OTOP1: variants seen among roughly 807,000 people sequenced by gnomAD.
OTOP1 encodes the protein proton channel OTOP1.
A neutral mutation model predicts 52.9 loss-of-function variants in OTOP1; 59 were observed. The observed-to-expected ratio is 1.12, with a 90% confidence interval of 0.91 to 1.39. The LOEUF (loss-of-function observed/expected upper bound fraction) is 1.39. Among genes scored for constraint, OTOP1 ranks in the 40% most tolerant of loss-of-function variants. The probability of loss-of-function intolerance (pLI) is 0.00; values close to 1 mark genes in which losing one functional copy is unlikely to be tolerated. For synonymous variants in OTOP1, 317 were observed against 337.7 expected, an observed-to-expected ratio of 0.94 and a Z score of 0.67; for missense variants, 761 against 800.9, an observed-to-expected ratio of 0.95 and a Z score of 0.60.
rs763157230 is a variant in OTOP1 at position 4,197,260 on chromosome 4, G to C, written c.1574C>G (p.Pro525Arg). 2.5e-6 allele frequency: 4 copies of C among 1,614,156 alleles called. No individual in the cohort carries two copies. The highest frequency in any genetic ancestry group is 2.2e-5 in the East Asian group (1 of 44,884). The change falls in exon 5 of 6, where the codon CCA (proline) becomes CGA (arginine). Residue 525 changes from proline (P) to arginine (R), a missense_variant. By Grantham distance (103) the Pro-to-Arg change is moderately radical. This residue lies in a region of OTOP1 where 632 missense variants were observed against 619.5 expected (regional missense o/e 1.02). Coordinates refer to ENST00000296358, the MANE Select transcript of OTOP1 (RefSeq NM_177998.3). ...KQEESSWGGS[P>R]SPVRLPRFLQ... is the part of the protein sequence containing the mutation. ...GAAACGGGGAAGGCGGACTGGGCTTGGGCTCCCTCCCCAGCTGCTCTCCTC... is the reference window on the plus strand; with the variant it reads ...GAAACGGGGAAGGCGGACTGGGCTTCGGCTCCCTCCCCAGCTGCTCTCCTC...
chr4:4,207,144 C>T (rs1716922619), intron 2 of OTOP1, among the ~76,000 whole-genome samples: 1 of 152,116 alleles, frequency 6.6e-6, no homozygotes, highest in East Asian at 1.9e-4. Context: ...TACTGTCTTA[C>T]TCAGGAATAC....
intron 5 of OTOP1, among the ~76,000 whole-genome samples, chr4:4,195,045 A>T (rs1716592112): frequency 6.6e-6 from 1 of 152,090 alleles, no homozygotes; most frequent in African/African-American, 2.4e-5. Context: ...ACATACAGCT[A>T]CTGGGAGGAT....
intron 5 of OTOP1, among the ~76,000 whole-genome samples, chr4:4,196,083 G>T (rs1234911414): frequency 2.0e-5 from 3 of 152,124 alleles, no homozygotes; most frequent in Admixed American, 2.0e-4. Flanking sequence ...TTTTAAAAAG[G>T]CAAGAGAAAC....
At chr4:4,220,930 G>A (rs907667318) in intron 1 of OTOP1, among the ~76,000 whole-genome samples, 18 of 152,164 alleles carry the variant, frequency 1.2e-4, no homozygotes, top group African/African-American at 3.9e-4. Context: ...CATCATGACC[G>A]GCAGCCATCT....
At chr4:4,220,067 A>G (rs1183004502) in intron 1 of OTOP1, among the ~76,000 whole-genome samples, 2 of 129,030 alleles carry the variant, frequency 1.6e-5, no homozygotes, top group South Asian at 2.3e-4. Flanking sequence ...GTGTATATAC[A>G]TATATATGTA....
chr4:4,212,476 C>T (rs984886841), intron 2 of OTOP1, among the ~76,000 whole-genome samples: 1 of 152,170 alleles, frequency 6.6e-6, no homozygotes, highest in African/African-American at 2.4e-5. Context: ...TGTTGCATAA[C>T]TCTATGAACA....
chr4:4,218,525 G>T lies in OTOP1; in HGVS notation c.404-5521C>A, dbSNP rs906152048. On this transcript the variant is annotated intron_variant, in intron 1 of 5. Transcript: ENST00000296358. Reference sequence around the variant, plus strand: ...AATAGGGAGGCAAACGTACCCTAAAGGTCTCATCCCATTAGGTAGAGAGGA... The same window carrying T: ...AATAGGGAGGCAAACGTACCCTAAATGTCTCATCCCATTAGGTAGAGAGGA... Among the ~76,000 whole-genome samples the T allele has an allele frequency of 5.3e-5, 8 of 152,126 alleles. 1 individual carries two copies. The highest frequency in any genetic ancestry group is 1.9e-4 in the African/African-American group (8 of 41,426).
intron 2 of OTOP1, among the ~76,000 whole-genome samples, chr4:4,211,894 C>A (rs564380304): frequency 6.6e-6 from 1 of 152,022 alleles, no homozygotes; most frequent in Non-Finnish European, 1.5e-5. Flanking sequence ...ATTCTAGAGA[C>A]GTAATGGACA....
In OTOP1 at chr4:4,214,871, G is replaced by C. The variant is rs143927264; in HGVS notation, c.404-1867C>G. Among the ~76,000 whole-genome samples the C allele has an allele frequency of 5.3e-3, 814 of 152,300 alleles. 6 individuals are homozygous for C. The highest frequency in any genetic ancestry group is 0.019 in the African/African-American group (788 of 41,550). On this transcript the variant is annotated intron_variant, in intron 1 of 5. Coordinates refer to ENST00000296358, the MANE Select transcript of OTOP1 (RefSeq NM_177998.3). The stretch of plus-strand genomic sequence containing the variant: ...CAAGACGAAAAAGTTCTGGAGGTTG[G>C]TTGCACAAAAGTGTATATGTTCTTA...
chr4:4,203,199 G>A (rs1285024495), intron 3 of OTOP1, among the ~76,000 whole-genome samples: 3 of 152,236 alleles, frequency 2.0e-5, no homozygotes, highest in African/African-American at 7.2e-5. Context: ...AATAAGAAAA[G>A]TCTGCTATGG....
At chr4:4,219,819 G>T (rs1717238589) in intron 1 of OTOP1, among the ~76,000 whole-genome samples, 1 of 134,280 alleles carries the variant, frequency 7.4e-6, no homozygotes, top group Admixed American at 7.5e-5. Context: ...GTGTATATAT[G>T]TATACATATG....
chr4:4,212,054 A>G (rs907362921), intron 2 of OTOP1, among the ~76,000 whole-genome samples: 1 of 152,206 alleles, frequency 6.6e-6, no homozygotes, highest in African/African-American at 2.4e-5. Flanking sequence ...TCACTTCACT[A>G]TGGATAGGAA....
chr4:4,224,971 G>C (rs1717393313), intron 1 of OTOP1, among the ~76,000 whole-genome samples: 1 of 152,214 alleles, frequency 6.6e-6, no homozygotes, highest in Non-Finnish European at 1.5e-5. Flanking sequence ...ATCAGTCACT[G>C]GATCTTATCC....
chr4:4,220,090 T>TACGTGTATATACATATATATGTATAC lies in OTOP1; in HGVS notation c.403+6371_403+6372insGTATACATATATATGTATATACACGT, dbSNP rs1560211530. Among the ~76,000 whole-genome samples, 26 of 100,666 alleles carry TACGTGTATATACATATATATGTATAC rather than the reference T, an allele frequency of 2.6e-4. 1 individual carries two copies. The highest frequency in any genetic ancestry group is 6.9e-4 in the African/African-American group (15 of 21,636). 66.0% of individuals were successfully genotyped at this position (100,666 alleles called of 152,430 possible). ...ACATATATATGTATACATATATATA[T>TACGTGTATATACATATATATGTATAC]ATATATATATATATATTTTTTTTTT... On this transcript the variant is annotated intron_variant, in intron 1 of 5. Transcript: ENST00000296358.
At chr4:4,215,405 T>C (rs1717118951) in intron 1 of OTOP1, among the ~76,000 whole-genome samples, 1 of 152,190 alleles carries the variant, frequency 6.6e-6, no homozygotes, top group African/African-American at 2.4e-5. Flanking sequence ...CTCACACCTG[T>C]AATCCCAGCA....
intron 5 of OTOP1, among the ~76,000 whole-genome samples, chr4:4,195,609 A>G (rs1716607022): frequency 6.6e-6 from 1 of 152,230 alleles, no homozygotes; most frequent in African/African-American, 2.4e-5. Flanking sequence ...CAGTGCCTGG[A>G]TGCCTGGTGA....
At chr4:4,206,220 T>A (rs550039538) in intron 2 of OTOP1, 90 bp from the exon 3 acceptor site, 1 of 1,112,334 alleles carries the variant, frequency 9.0e-7, no homozygotes, top group African/African-American at 1.6e-5. Context: ...TCAAAGAAAA[T>A]GTATGAGAAA....
chr4:4,223,242 A>G (rs1194694112), intron 1 of OTOP1, among the ~76,000 whole-genome samples: 1 of 152,184 alleles, frequency 6.6e-6, no homozygotes, highest in Non-Finnish European at 1.5e-5. Context: ...GAAATGTAAC[A>G]TGTCATTGGT....
chr4:4,218,940 A>C (rs1193150125), intron 1 of OTOP1, among the ~76,000 whole-genome samples: 1 of 152,116 alleles, frequency 6.6e-6, no homozygotes, highest in Admixed American at 6.6e-5. Flanking sequence ...AAAAAAAAAG[A>C]ATGAAGTAAT....
Sources: allele counts gnomAD v4.1 joint callset (sites outside exome capture counted in the v4.1 genomes callset), GRCh38; gene constraint gnomAD v4.1.1; regional missense constraint gnomAD v4.1.1; transcripts MANE v1.5; gene names NCBI Gene and HGNC (gene_info 2026-07-23, HGNC 2026-07-21).